PKD1L1: variants seen among roughly 807,000 people sequenced by gnomAD.
PKD1L1 encodes the protein polycystin 1 like 1, transient receptor potential channel interacting, also known as polycystin-1-like protein 1.
A neutral mutation model predicts 323.4 loss-of-function variants in PKD1L1; 236 were observed. The ratio of observed to expected loss-of-function variants is 0.73; its 90% CI spans 0.66 to 0.81. PKD1L1 has a LOEUF of 0.81. Ranked by LOEUF, PKD1L1 falls within the 40% of genes least tolerant of loss-of-function variation. PKD1L1 has a pLI of 0.00. For missense variants in PKD1L1, 3,320 were observed against 3,508.0 expected, an observed-to-expected ratio of 0.95 and a Z score of 1.35; for synonymous variants, 1,344 against 1,335.0, an observed-to-expected ratio of 1.01 and a Z score of -0.15.
At chr7:47,783,409 A>AT (rs142578023) in intron 56 of PKD1L1, among the ~76,000 whole-genome samples, 17,792 of 152,222 alleles carry the variant, frequency 0.12, 1,310 homozygotes, top group Non-Finnish European at 0.14. Flanking sequence ...GTGAAACTAA[A>AT]TTTTTCAAAA....
At chr7:47,838,957 T>C (rs1785512427) in intron 36 of PKD1L1, among the ~76,000 whole-genome samples, 1 of 151,092 alleles carries the variant, frequency 6.6e-6, no homozygotes, top group African/African-American at 2.4e-5. Context: ...TGTTTGTATA[T>C]AGGGAAAGAC....
chr7:47,891,883 C>G (rs967822154), intron 15 of PKD1L1, among the ~76,000 whole-genome samples: 6 of 152,196 alleles, frequency 3.9e-5, no homozygotes, highest in African/African-American at 1.4e-4. Context: ...AGGGCTTTCC[C>G]AGAGCATGTG....
rs1220351371 is a variant in PKD1L1, at chr7:47,932,003, G to C, written c.452C>G (p.Pro151Arg). The C allele has an allele frequency of 6.2e-7, 1 of 1,614,038 alleles. No homozygotes were observed. Among genetic ancestry groups the C allele is most frequent in the Admixed American group, 1.7e-5 (1 of 60,018 alleles). Residue 151 changes from proline to arginine, a missense_variant, in exon 5 of 57, where the codon CCC (proline) becomes CGC (arginine). Coordinates refer to ENST00000289672, the MANE Select transcript of PKD1L1 (RefSeq NM_138295.5). Reference sequence around the variant, plus strand: ...ACACAGCCGCCTGTGATGGAACCTGGGGCCACCACTGCTCCAGGCCCTTGC... The same window carrying C: ...ACACAGCCGCCTGTGATGGAACCTGCGGCCACCACTGCTCCAGGCCCTTGC... ...IIARAWSSGG[P>R]RFHHRRLCAT...
At chr7:47,808,214 C>G in intron 52 of PKD1L1, 33 bp downstream of exon 52, 2 of 1,611,840 alleles carry the variant, frequency 1.2e-6, no homozygotes, top group South Asian at 2.2e-5. Context: ...AGTGCATGGC[C>G]TCTATCTGCA....
At position 47,831,371 on chromosome 7, in the gene PKD1L1, G is replaced by A; in HGVS notation, c.6338-19C>T. ...CTGGGTGCTGCGGAAGAGTAGGACA[G>A]AGACAAGGCAGCTTAAGAGACCTCG... On this transcript the variant is annotated intron_variant, in intron 41 of 56. Transcript: ENST00000289672. 6.3e-7 allele frequency: 1 copy of A among 1,598,786 alleles called. No individual in the cohort carries two copies. The highest frequency in any genetic ancestry group is 8.5e-7 in the Non-Finnish European group (1 of 1,173,448).
upstream of PKD1L1, among the ~76,000 whole-genome samples, chr7:47,950,982 CAG>C (rs1788196337): frequency 6.6e-6 from 1 of 152,224 alleles, no homozygotes; most frequent in Admixed American, 6.5e-5. Flanking sequence ...ACTGGTACAA[CAG>C]GGAGCACAAC....
At chr7:47,958,850 C>A in the PKD1L1 span, among the ~76,000 whole-genome samples, 6 of 152,142 alleles carry the variant, frequency 3.9e-5, no homozygotes, top group African/African-American at 1.4e-4. Context: ...CCTCTCTTTC[C>A]ACGGTCTCCC....
intron 9 of PKD1L1, 68 bp from the exon 10 acceptor site, chr7:47,906,030 ACAGT>A (rs1476824515): frequency 5.0e-5 from 69 of 1,391,216 alleles, no homozygotes; most frequent in Admixed American, 8.2e-5. Flanking sequence ...CATGCAACAC[ACAGT>A]CAGTATTTTT....
chr7:47,788,007 G>A (rs1432064889), intron 56 of PKD1L1, among the ~76,000 whole-genome samples: 1 of 152,078 alleles, frequency 6.6e-6, no homozygotes, highest in East Asian at 1.9e-4. Flanking sequence ...CACTGTGTCC[G>A]GCCTGTTGTA....
At chr7:47,835,406 T>C (rs1459443146) in intron 37 of PKD1L1, among the ~76,000 whole-genome samples, 163 bp from the exon 38 acceptor site, 1 of 152,172 alleles carries the variant, frequency 6.6e-6, no homozygotes, top group Non-Finnish European at 1.5e-5. Flanking sequence ...TTCAATTGAT[T>C]GATTGATTGA....
chr7:47,905,447 T>C, intron 10 of PKD1L1, 122 bp from the exon 11 acceptor site: 5 of 1,112,888 alleles, frequency 4.5e-6, no homozygotes, highest in East Asian at 4.8e-5. Context: ...GAAGCTCTGA[T>C]ATGCATGCAG....
chr7:47,873,016 T>C (rs1400188713), intron 24 of PKD1L1, among the ~76,000 whole-genome samples: 3 of 152,232 alleles, frequency 2.0e-5, no homozygotes, highest in East Asian at 3.8e-4. Flanking sequence ...TTTTGCTACA[T>C]AGATGAAACT....
rs142359452 is a variant in PKD1L1, at chr7:47,808,368, C to T, written c.7706G>A (p.Ser2569Asn). The change falls in exon 52 of 57, where the codon AGC (serine) becomes AAC (asparagine). Residue 2569 changes from serine to asparagine, a missense_variant. Transcript: ENST00000289672. The stretch of plus-strand genomic sequence containing the variant: ...GCCGGAAACTGCATAGTAGGTGAGG[C>T]TCACTCCAACCACGGAGAGCTGGAA... The part of the protein sequence containing the change: ...NWLELSVVGV[S>N]LTYYAVSGHL... 6.2e-7 allele frequency: 1 copy of T among 1,614,104 alleles called. No individual in the cohort carries two copies. Among genetic ancestry groups the T allele is most frequent in the Non-Finnish European group, 8.5e-7 (1 of 1,180,012 alleles).
chr7:47,942,020 A>C (rs977269859), intron 2 of PKD1L1, among the ~76,000 whole-genome samples: 6 of 152,144 alleles, frequency 3.9e-5, no homozygotes, highest in Admixed American at 1.3e-4. Context: ...AAAACCTGAA[A>C]CTTAACATCC....
chr7:47,811,769 C>T, intron 50 of PKD1L1, 48 bp downstream of exon 50: 3 of 1,476,556 alleles, frequency 2.0e-6, no homozygotes, highest in Non-Finnish European at 2.8e-6. Context: ...AGGTGAAGCC[C>T]CATCTTCCTG....
At chr7:47,809,739 A>G (rs756263621) in intron 50 of PKD1L1, 162 bp from the exon 51 acceptor site, 3 of 514,780 alleles carry the variant, frequency 5.8e-6, no homozygotes, top group Non-Finnish European at 1.0e-5. Context: ...CTTGCTCTTC[A>G]GTAGGCACTT....
chr7:47,803,199 A>C lies in PKD1L1; in HGVS notation c.7962+11T>G. ...CAAGGGAAATCACCTGATAAAGGGG[A>C]GAGTTCTTACCCCTGCTACAAAGAT... On this transcript the variant is annotated intron_variant, in intron 53 of 56. Coordinates refer to ENST00000289672, the MANE Select transcript of PKD1L1 (RefSeq NM_138295.5). 1 of 1,613,992 alleles carries C rather than the reference A, an allele frequency of 6.2e-7. No individual in the cohort carries two copies. Among genetic ancestry groups the C allele is most frequent in the South Asian group, 1.1e-5 (1 of 91,068 alleles).
chr7:47,843,020 TG>T lies in PKD1L1; in HGVS notation c.5386del (p.Gln1796SerfsTer17), dbSNP rs752674662. 6.2e-7 allele frequency: 1 copy of T among 1,613,978 alleles called. No individual in the cohort carries two copies. The highest frequency in any genetic ancestry group is 8.5e-7 in the Non-Finnish European group (1 of 1,179,912). ...AGTGTCAATGACGACCGCATATAGC[TG>T]ATGGCCCGGCAGGGAAGCTTCTTGC... ...FLQEASLPGH[Q>X]LYAVVIDTGF... On this transcript the variant is annotated frameshift_variant, in exon 34 of 57. Coordinates refer to ENST00000289672, the MANE Select transcript of PKD1L1 (RefSeq NM_138295.5). LOFTEE classifies it high-confidence loss of function.
chr7:47,920,471 A>G (rs1442128154), intron 7 of PKD1L1, among the ~76,000 whole-genome samples: 1 of 152,208 alleles, frequency 6.6e-6, no homozygotes, highest in African/African-American at 2.4e-5. Context: ...TACTGCCAAA[A>G]GCAATCTACA....
Sources: gnomAD v4.1 joint callset for allele counts (sites outside exome capture counted in the v4.1 genomes callset) on GRCh38, gnomAD v4.1.1 for gene constraint, MANE v1.5 for transcripts, NCBI Gene and HGNC (gene_info 2026-07-23, HGNC 2026-07-21) for gene names.